TEK: variants seen among roughly 807,000 people sequenced by gnomAD.
TEK encodes the protein angiopoietin-1 receptor.
A neutral mutation model predicts 131.8 loss-of-function variants in TEK; 43 were observed. The ratio of observed to expected loss-of-function variants is 0.33; its 90% CI spans 0.26 to 0.42. The LOEUF is 0.42. Ranked by LOEUF, TEK falls within the 10% of genes least tolerant of loss-of-function variation. The pLI is 1.00. For missense variants in TEK, 1,162 were observed against 1,384.4 expected, an observed-to-expected ratio of 0.84 and a Z score of 2.55; for synonymous variants, 580 against 491.6, an observed-to-expected ratio of 1.18 and a Z score of -2.38.
intron 2 of TEK, among the ~76,000 whole-genome samples, chr9:27,161,263 C>T (rs945529227): frequency 2.6e-5 from 4 of 152,206 alleles, no homozygotes; most frequent in African/African-American, 9.6e-5. Context: ...GAATTATGCT[C>T]ACTTGAGTTT....
intron 11 of TEK, among the ~76,000 whole-genome samples, chr9:27,196,857 ATTTTATT>A (rs59865694): frequency 0.32 from 41,429 of 130,732 alleles, 5,949 homozygotes; most frequent in Admixed American, 0.39. Flanking sequence ...GCTCCTGTTT[ATTTTATT>A]TTTTATTTTT....
chr9:27,193,379 T>G (rs1308729776), intron 11 of TEK, among the ~76,000 whole-genome samples: 2 of 152,140 alleles, frequency 1.3e-5, no homozygotes, highest in African/African-American at 4.8e-5. Context: ...AATTTGCATT[T>G]CTAGTAGGTT....
At chr9:27,170,541 T>G (rs998141582) in intron 4 of TEK, among the ~76,000 whole-genome samples, 1 of 152,058 alleles carries the variant, frequency 6.6e-6, no homozygotes, top group Non-Finnish European at 1.5e-5. Flanking sequence ...GGGAGGATAG[T>G]TCAAGCTCGG....
chr9:27,146,680 T>TG (rs1435029981), intron 1 of TEK, among the ~76,000 whole-genome samples: 1 of 151,810 alleles, frequency 6.6e-6, no homozygotes, highest in African/African-American at 2.4e-5. Flanking sequence ...GCTTCCAGTT[T>TG]GGGGTGATTA....
At chr9:27,170,283 G>A (rs1823902162) in intron 4 of TEK, among the ~76,000 whole-genome samples, 2 of 152,110 alleles carry the variant, frequency 1.3e-5, no homozygotes, top group African/African-American at 4.8e-5. Context: ...TGAGATTTGG[G>A]TAGGGACACA....
chr9:27,181,365 A>G (rs1378632677), intron 7 of TEK, among the ~76,000 whole-genome samples: 2 of 152,210 alleles, frequency 1.3e-5, no homozygotes, highest in East Asian at 3.9e-4. Context: ...TTTCCAATAT[A>G]TTTATTGAAA....
intron 9 of TEK, among the ~76,000 whole-genome samples, chr9:27,188,026 A>T (rs1233325702): frequency 6.6e-6 from 1 of 152,148 alleles, no homozygotes; most frequent in Non-Finnish European, 1.5e-5. Flanking sequence ...ATGCAGAGGA[A>T]TGTTAAACAG....
At chr9:27,172,262 T>G (rs1429508083) in intron 4 of TEK, among the ~76,000 whole-genome samples, 2 of 152,194 alleles carry the variant, frequency 1.3e-5, no homozygotes, top group African/African-American at 4.8e-5. Context: ...GGACATGCCA[T>G]GCTGTCTTCC....
At chr9:27,141,940 C>T (rs944579964) in intron 1 of TEK, among the ~76,000 whole-genome samples, 30 of 152,154 alleles carry the variant, frequency 2.0e-4, no homozygotes, top group Non-Finnish European at 4.4e-4. Flanking sequence ...AGTAACAGAA[C>T]ATAAATCTCT....
At chr9:27,191,044 A>C (rs1415511706) in intron 10 of TEK, among the ~76,000 whole-genome samples, 2 of 152,208 alleles carry the variant, frequency 1.3e-5, no homozygotes, top group African/African-American at 4.8e-5. Flanking sequence ...AGGAAAGTCC[A>C]GAGCCTGCTG....
chr9:27,111,150 T>A (rs1022351066), intron 1 of TEK, among the ~76,000 whole-genome samples: 23 of 152,096 alleles, frequency 1.5e-4, no homozygotes, highest in Non-Finnish European at 2.6e-4. Flanking sequence ...CAAAAAGGTA[T>A]GTAGCCAAAA....
chr9:27,226,708 G>C (rs1303360325), intron 21 of TEK, among the ~76,000 whole-genome samples: 8 of 152,058 alleles, frequency 5.3e-5, no homozygotes, highest in African/African-American at 1.9e-4. Flanking sequence ...ATGTATCCCA[G>C]AACTGAAAGT....
chr9:27,158,922 G>A (rs1464496351), intron 2 of TEK, among the ~76,000 whole-genome samples: 1 of 152,196 alleles, frequency 6.6e-6, no homozygotes, highest in East Asian at 1.9e-4. Flanking sequence ...GCCTCCCAAA[G>A]TGTTGGGATT....
intron 18 of TEK, among the ~76,000 whole-genome samples, chr9:27,216,696 A>G (rs149422413): frequency 2.8e-3 from 429 of 152,306 alleles, no homozygotes; most frequent in African/African-American, 9.3e-3. Context: ...CTGGGAGACA[A>G]TTGCACATTC....
chr9:27,117,166 G>C (rs992212246), intron 1 of TEK, among the ~76,000 whole-genome samples: 1 of 152,066 alleles, frequency 6.6e-6, no homozygotes, highest in South Asian at 2.1e-4. Flanking sequence ...CGCCCGGCCG[G>C]AAAGAGAATT....
chr9:27,192,228 G>T (rs1824847846), intron 10 of TEK, among the ~76,000 whole-genome samples: 1 of 152,172 alleles, frequency 6.6e-6, no homozygotes, highest in Admixed American at 6.5e-5. Flanking sequence ...CAAATGAAAA[G>T]ACAAAAGCAC....
At chr9:27,211,204 A>AATATATATGTGTATATATATGAAT (rs371389814) in intron 16 of TEK, among the ~76,000 whole-genome samples, 3 of 21,496 alleles carry the variant, frequency 1.4e-4, no homozygotes, top group Non-Finnish European at 2.7e-4. Flanking sequence ...TATATATATG[A>AATATATATGTGTATATATATGAAT]ATATATGTGT....
intron 1 of TEK, among the ~76,000 whole-genome samples, chr9:27,121,518 A>G (rs1227069376): frequency 6.7e-6 from 1 of 149,796 alleles, no homozygotes; most frequent in Non-Finnish European, 1.5e-5. Context: ...ATACATATGT[A>G]TTTTTATATG....
rs142811887 is a variant in TEK at position 27,207,059 on chromosome 9, C to T, written c.2575+267C>T. ...CTTGGTCATATATGGCTAACTTTTG[C>T]GGAGCATCATTGTTTCTCTTAAAGC... On this transcript the variant is annotated intron_variant, in intron 15 of 22. Coordinates refer to ENST00000380036, the MANE Select transcript of TEK (RefSeq NM_000459.5). Among the ~76,000 whole-genome samples, 20 of 152,306 alleles carry T rather than the reference C, an allele frequency of 1.3e-4. No homozygotes were observed. In the East Asian group the frequency reaches 2.7e-3, roughly 21 times the overall value.
Sources: allele counts gnomAD v4.1 joint callset (sites outside exome capture counted in the v4.1 genomes callset), GRCh38; gene constraint gnomAD v4.1.1; transcripts MANE v1.5; gene names NCBI Gene and HGNC (gene_info 2026-07-23, HGNC 2026-07-21).